Variants in SPIRE2 observed in about 807,000 individuals in gnomAD.
The protein encoded by SPIRE2 is protein spire homolog 2.
In SPIRE2, 76 loss-of-function variants were observed where a neutral mutation model predicts 80.7. That is an observed-to-expected ratio of 0.94 (90% CI 0.78 to 1.14). The LOEUF (loss-of-function observed/expected upper bound fraction) is 1.14, where lower values mean the gene tolerates loss of function less well. Among genes scored for constraint, SPIRE2 ranks in the 50% most tolerant of loss-of-function variants. The pLI is 0.00. For synonymous variants in SPIRE2, 535 were observed against 432.6 expected (o/e 1.24, Z -2.94); for missense variants, 1,196 against 1,015.3 (o/e 1.18, Z -2.42).
At chr16:89,840,406 G>A (rs910124148) in intron 1 of SPIRE2, among the ~76,000 whole-genome samples, 1 of 147,530 alleles carries the variant, frequency 6.8e-6, no homozygotes, top group Non-Finnish European at 1.5e-5. Context: ...CCCGCCACCA[G>A]GCCTGGCTAA....
In SPIRE2 at chr16:89,828,898, A is replaced by G; in HGVS notation, c.244+104A>G. ...GCGGAGAGGCTGCGACCGGTTCTGG[A>G]GCGGGAGATCCCCTTCTCTGCGGGA... On this transcript the variant is annotated intron_variant, in intron 1 of 14. Transcript: ENST00000378247. This position sits in a 1 kb window ranked among gnomAD's most constrained non-coding sequence, Gnocchi z 5.9. The G allele has an allele frequency of 1.1e-6, 1 of 943,538 alleles. No homozygotes were observed. The highest frequency in any genetic ancestry group is 1.3e-6 in the Non-Finnish European group (1 of 749,866). 58.4% of individuals were successfully genotyped at this position (943,538 alleles called of 1,614,324 possible). A position where few individuals can be genotyped will look rare whatever the true frequency, so the allele number is the denominator to read the frequency against.
At chr16:89,831,001 C>A (rs1378662824) in intron 1 of SPIRE2, among the ~76,000 whole-genome samples, 1 of 149,590 alleles carries the variant, frequency 6.7e-6, no homozygotes, top group Admixed American at 6.6e-5. Flanking sequence ...GCTCCACCTC[C>A]CGGGTTCACG....
intron 1 of SPIRE2, among the ~76,000 whole-genome samples, chr16:89,842,983 A>G (rs1272122972): frequency 2.6e-5 from 4 of 152,244 alleles, no homozygotes; most frequent in Non-Finnish European, 5.9e-5. Context: ...TAGCAGGTCC[A>G]CTGAGCAGAT....
chr16:89,844,692 C>T (rs538079570), intron 1 of SPIRE2, among the ~76,000 whole-genome samples: 14 of 152,322 alleles, frequency 9.2e-5, no homozygotes, highest in Middle Eastern at 3.4e-3. Flanking sequence ...CCTGCCTCAG[C>T]CTCCCAAAGT....
In SPIRE2 at chr16:89,870,074, G is replaced by A; in HGVS notation, c.1947G>A (p.Gln649=). The A allele has an allele frequency of 6.2e-7, 1 of 1,613,166 alleles. No individual in the cohort carries two copies. Among genetic ancestry groups the A allele is most frequent in the Non-Finnish European group, 8.5e-7 (1 of 1,179,884 alleles). The change falls in exon 15 of 15, where the codon CAG becomes CAA. Residue 649 remains glutamine, a synonymous_variant. Transcript: ENST00000378247. ...IFQSLQGPQW[Q]SVEEAFPHIY... is the part of the protein sequence containing the mutation. The stretch of plus-strand genomic sequence containing the variant: ...GGTCTCTGCAAGGGCCACAGTGGCA[G>A]AGCGTGGAGGAGGCGTTCCCCCACA...
In SPIRE2 at chr16:89,863,621, C is replaced by CTAGA. The variant is rs1490119239; in HGVS notation, c.1710+12_1710+15dup. ...CTGAAGAAGGGGAAGGTGAGGCTGC[C>CTAGA]TAGACGTGGGGCTACGCTCTTGCCC... On this transcript the variant is annotated intron_variant, in intron 11 of 14. Coordinates refer to ENST00000378247, the MANE Select transcript of SPIRE2 (RefSeq NM_032451.2). This position sits in a 1 kb window ranked among gnomAD's most constrained non-coding sequence, Gnocchi z 4.3. The CTAGA allele has an allele frequency of 2.5e-6, 4 of 1,614,046 alleles. No homozygotes were observed. The South Asian group carries it at 4.4e-5, about 18-fold the overall frequency.
rs569482567 is a variant in SPIRE2, at chr16:89,832,175, GGGCATCC to G, written c.244+3382_244+3388del. Among the ~76,000 whole-genome samples the G allele has an allele frequency of 8.5e-5, 13 of 152,342 alleles. No homozygotes were observed. The East Asian group carries it at 2.5e-3, about 29-fold the overall frequency. ...CCCCATGGTTACGGCCCATGTGAAGGGGCATCCTTTTCACCCACGGAAGCCCGTTTGT... is the reference window on the plus strand; with the variant it reads ...CCCCATGGTTACGGCCCATGTGAAGGTTTTCACCCACGGAAGCCCGTTTGT... On this transcript the variant is annotated intron_variant, in intron 1 of 14. Coordinates refer to ENST00000378247, the MANE Select transcript of SPIRE2 (RefSeq NM_032451.2).
At chr16:89,835,875 G>A (rs1018453992) in intron 1 of SPIRE2, among the ~76,000 whole-genome samples, 2 of 152,076 alleles carry the variant, frequency 1.3e-5, no homozygotes, top group South Asian at 2.1e-4. Context: ...CGTGGGAGTA[G>A]TTTAAAAGGA....
chr16:89,839,323 G>A (rs980664604), intron 1 of SPIRE2, among the ~76,000 whole-genome samples: 4 of 149,650 alleles, frequency 2.7e-5, no homozygotes, highest in Admixed American at 6.7e-5. Flanking sequence ...GCAGTGAGCC[G>A]AGATCGCGCC....
At chr16:89,835,529 A>G (rs926653037) in intron 1 of SPIRE2, among the ~76,000 whole-genome samples, 1 of 152,192 alleles carries the variant, frequency 6.6e-6, no homozygotes, top group African/African-American at 2.4e-5. Context: ...GCCGGCTCCC[A>G]CAGCCTGTAG....
At position 89,863,754 on chromosome 16, in the gene SPIRE2, C is replaced by T; in HGVS notation, c.1711-40C>T. 1 of 1,611,562 alleles carries T rather than the reference C, an allele frequency of 6.2e-7. No homozygotes were observed. The highest frequency in any genetic ancestry group is 1.3e-5 in the African/African-American group (1 of 74,986). On this transcript the variant is annotated intron_variant, in intron 11 of 14. Transcript: ENST00000378247. The surrounding 1 kb of genome is among the most constrained non-coding windows in gnomAD (Gnocchi z 4.3). The stretch of plus-strand genomic sequence containing the variant: ...AGGGACAGGGCGGGACCCCAGGGAG[C>T]TTTGGACAAAGCGGGGCTCTAACCA...
Position 89,860,762 on chromosome 16 carries a change from C to A in SPIRE2, c.1542C>A (p.Ala514=). The part of the protein sequence containing the change: ...NRGSSGDRPE[A]SMTPDAKHLW... ...GCTCCTCGGGGGACAGACCCGAGGC[C>A]TCCATGACCCCCGATGCCAAACACC... Residue 514 remains alanine (A), a synonymous_variant, in exon 10 of 15, where the codon GCC becomes GCA. Transcript: ENST00000378247. The A allele has an allele frequency of 6.4e-7, 1 of 1,563,754 alleles. No homozygotes were observed. Among genetic ancestry groups the A allele is most frequent in the Non-Finnish European group, 8.6e-7 (1 of 1,156,486 alleles).
At chr16:89,830,570 A>C (rs901191454) in intron 1 of SPIRE2, among the ~76,000 whole-genome samples, 6 of 151,202 alleles carry the variant, frequency 4.0e-5, no homozygotes, top group Non-Finnish European at 8.9e-5. Context: ...AATACATTAA[A>C]AGATGCATAC....
intron 9 of SPIRE2, among the ~76,000 whole-genome samples, chr16:89,860,402 A>G (rs1392799520): frequency 6.6e-6 from 1 of 151,992 alleles, no homozygotes; most frequent in East Asian, 1.9e-4. Flanking sequence ...AGGACTACCG[A>G]CATGTTTCAC....
In SPIRE2 at chr16:89,850,527, C is replaced by T; in HGVS notation, c.512C>T (p.Ala171Val). ...CGCAGCGTGCGCACCTTTGCCCAGG[C>T]CATGCGGCTGTGCGCGGCGCGGCTG... is the stretch of plus-strand genomic sequence containing the variant. ...VPRSVRTFAQ[A>V]MRLCAARLTD... Residue 171 changes from alanine to valine, a missense_variant, in exon 3 of 15, where the codon GCC becomes GTC. Physicochemically the swap from Ala to Val is moderately conservative, Grantham distance 64 (BLOSUM62 0). Transcript: ENST00000378247. 6.6e-7 allele frequency: 1 copy of T among 1,521,514 alleles called. No individual in the cohort carries two copies. Among genetic ancestry groups the T allele is most frequent in the Non-Finnish European group, 8.8e-7 (1 of 1,139,098 alleles). The allele number at this position is 1,521,514 out of a possible 1,614,324, so 94.3% of individuals were successfully genotyped here. A position where few individuals can be genotyped will look rare whatever the true frequency, so the allele number is the denominator to read the frequency against.
chr16:89,841,801 C>T (rs895329702), intron 1 of SPIRE2, among the ~76,000 whole-genome samples: 2 of 151,868 alleles, frequency 1.3e-5, no homozygotes, highest in Non-Finnish European at 2.9e-5. Context: ...AGGTTCAAGC[C>T]GTTCTCTTGC....
intron 3 of SPIRE2, among the ~76,000 whole-genome samples, chr16:89,853,071 A>G (rs1408666168): frequency 6.6e-6 from 1 of 152,050 alleles, no homozygotes; most frequent in Non-Finnish European, 1.5e-5. Context: ...CTCCTGGGAC[A>G]TGCTTCTAAC....
In SPIRE2 at chr16:89,869,654, G is replaced by A. The variant is rs137969169; in HGVS notation, c.1894G>A (p.Ala632Thr). Residue 632 changes from alanine to threonine, a missense_variant, in exon 14 of 15, where the codon GCG (alanine) becomes ACG (threonine). Transcript: ENST00000378247. Reference sequence around the variant, plus strand: ...TCAGAGGGTATCAGCTGCCAAAACCGCGCCAATCCAGAGAAGAGACATCTT... The same window carrying A: ...TCAGAGGGTATCAGCTGCCAAAACCACGCCAATCCAGAGAAGAGACATCTT... ...SPQRVSAAKT[A>T]PIQRRDIFQS... The A allele has an allele frequency of 1.1e-4, 172 of 1,613,968 alleles. No individual in the cohort carries two copies. The highest frequency in any genetic ancestry group is 4.1e-4 in the African/African-American group (31 of 74,926).
At chr16:89,836,233 C>G (rs541854434) in intron 1 of SPIRE2, 225 of 455,920 alleles carry the variant, frequency 4.9e-4, no homozygotes, top group African/African-American at 3.8e-3. Context: ...GTCAGAAACC[C>G]AGGATGATCC....
Sources: gnomAD v4.1 joint callset for allele counts (sites outside exome capture counted in the v4.1 genomes callset) on GRCh38, gnomAD v4.1.1 for gene constraint, Gnocchi (gnomAD v3.1) non-coding constraint, MANE v1.5 for transcripts, NCBI Gene and HGNC (gene_info 2026-07-23, HGNC 2026-07-21) for gene names.